Variants in LMAN1L observed in about 807,000 individuals in gnomAD.
LMAN1L encodes the protein protein ERGIC-53-like.
Under a neutral mutation model 58.3 loss-of-function variants are expected in LMAN1L, and 60 were observed. The observed-to-expected ratio is 1.03, with a 90% CI of 0.84 to 1.27. LMAN1L has a LOEUF of 1.27. LMAN1L is among the 50% of genes most tolerant of loss of function. LMAN1L has a pLI of 0.00. For synonymous variants in LMAN1L, 280 were observed against 271.6 expected (o/e 1.03, Z -0.31); for missense variants, 629 against 674.0 (o/e 0.93, Z 0.74).
In LMAN1L at chr15:74,823,652, C is replaced by A. The variant is rs140326228; in HGVS notation, c.1293C>A (p.Gly431=). The change falls in exon 12 of 14, where the codon GGC becomes GGA. Residue 431 remains glycine (G), a synonymous_variant. Transcript: ENST00000309664. ...HHFLELDHIL[G]LLQEELRGPA... is the part of the protein sequence containing the mutation. Reference sequence around the variant, plus strand: ...TCTTAGAGCTGGACCACATCCTGGGCCTCCTGCAGGAGGAGCTTCGGGGCC... The same window carrying A: ...TCTTAGAGCTGGACCACATCCTGGGACTCCTGCAGGAGGAGCTTCGGGGCC... 1 of 1,613,738 alleles carries A rather than the reference C, an allele frequency of 6.2e-7. No individual in the cohort carries two copies. The highest frequency in any genetic ancestry group is 8.5e-7 in the Non-Finnish European group (1 of 1,179,850).
At chr15:74,819,701 G>T (rs2063908114) in intron 6 of LMAN1L, 3 of 493,846 alleles carry the variant, frequency 6.1e-6, no homozygotes, top group Admixed American at 6.7e-5. Flanking sequence ...ATGCTGGAAA[G>T]GTGGCCACTG....
chr15:74,816,759 G>C, intron 4 of LMAN1L, 69 bp downstream of exon 4: 1 of 1,462,972 alleles, frequency 6.8e-7, no homozygotes, highest in Non-Finnish European at 9.3e-7. Flanking sequence ...CCCCCCATCC[G>C]AGCCCCTGCC....
intron 1 of LMAN1L, 62 bp from the exon 2 acceptor site, chr15:74,816,095 A>G: frequency 6.6e-7 from 1 of 1,505,832 alleles, no homozygotes; most frequent in Non-Finnish European, 8.9e-7. Context: ...GGGCCAAGTG[A>G]GAGAGTGAAG....
chr15:74,814,079 T>C (rs1236764358), intron 1 of LMAN1L, among the ~76,000 whole-genome samples: 1 of 141,608 alleles, frequency 7.1e-6, no homozygotes, highest in Non-Finnish European at 1.5e-5. Flanking sequence ...TGAGCTGAGA[T>C]CCTGCCATTG....
chr15:74,821,710 G>C (rs1197155516), intron 9 of LMAN1L, 119 bp from the exon 10 acceptor site: 1 of 690,272 alleles, frequency 1.4e-6, no homozygotes, highest in Non-Finnish European at 2.5e-6. Flanking sequence ...GGCTTTGCTG[G>C]GCTCTGACAG....
chr15:74,817,672 G>A (rs1370339791), intron 4 of LMAN1L, among the ~76,000 whole-genome samples: 2 of 152,180 alleles, frequency 1.3e-5, no homozygotes, highest in Non-Finnish European at 2.9e-5. Flanking sequence ...GCAGCTGGGA[G>A]AGGAAAAGGA....
intron 10 of LMAN1L, among the ~76,000 whole-genome samples, 160 bp downstream of exon 10, chr15:74,822,060 C>T (rs546035061): frequency 7.9e-5 from 12 of 152,092 alleles, no homozygotes; most frequent in Non-Finnish European, 1.3e-4. Flanking sequence ...TGGTGGCTCA[C>T]GCGTGTAATC....
At chr15:74,817,783 G>A (rs749284081) in intron 4 of LMAN1L, among the ~76,000 whole-genome samples, 3 of 152,056 alleles carry the variant, frequency 2.0e-5, no homozygotes, top group African/African-American at 7.2e-5. Context: ...AGGCTGAGGC[G>A]GGCTAATCAC....
rs1466807465 is a variant in LMAN1L, at chr15:74,821,069, C to A, written c.908-6C>A. ...CTGCCCATCCCAGCTCTGCCCTAAT[C>A]CCCAGGGGAAAGGCTCTTTGACCTG... On this transcript the variant is annotated splice_polypyrimidine_tract_variant and splice_region_variant and intron_variant, in intron 8 of 13. Coordinates refer to ENST00000309664, the MANE Select transcript of LMAN1L (RefSeq NM_021819.3). The A allele has an allele frequency of 1.3e-6, 2 of 1,573,882 alleles. No homozygotes were observed. The highest frequency in any genetic ancestry group is 3.7e-5 in the Admixed American group (2 of 53,910).
rs2063918579 is a variant in LMAN1L, at chr15:74,821,920, G to A, written c.1131+20G>A. On this transcript the variant is annotated intron_variant, in intron 10 of 13. Coordinates refer to ENST00000309664, the MANE Select transcript of LMAN1L (RefSeq NM_021819.3). ...AATAAGGTAGGGACCCAAACACTGG[G>A]TGTTGACCAGCACTGGCCCCAGCTT... 1 of 1,552,126 alleles carries A rather than the reference G, an allele frequency of 6.4e-7. No individual in the cohort carries two copies. Among genetic ancestry groups the A allele is most frequent in the African/African-American group, 1.4e-5 (1 of 73,690 alleles).
chr15:74,820,524 C>A, intron 7 of LMAN1L, 111 bp from the exon 8 acceptor site: 1 of 1,408,476 alleles, frequency 7.1e-7, no homozygotes, highest in Non-Finnish European at 1.0e-6. Flanking sequence ...AACTGCAGGG[C>A]CAGCTGGCCA....
Position 74,816,440 on chromosome 15 carries a change from C to T in LMAN1L, c.344C>T (p.Thr115Ile), listed in dbSNP as rs899576101. 6.4e-7 allele frequency: 1 copy of T among 1,556,974 alleles called. No individual in the cohort carries two copies. Among genetic ancestry groups the T allele is most frequent in the Middle Eastern group, 1.7e-4 (1 of 5,778 alleles). ...RGAQGMAVWYTRGRGHVGSVL... is the reference protein window; with the variant it reads ...RGAQGMAVWYIRGRGHVGSVL... ...GGGGACCTGCAGGCCGTGTGGTACA[C>T]CCGGGGCAGGGGCCATGTAGGCTCT... Residue 115 changes from threonine to isoleucine, a missense_variant, in exon 3 of 14, where the codon ACC (threonine) becomes ATC (isoleucine). Thr to Ile is a moderately conservative substitution (Grantham distance 89, BLOSUM62 -1). Around this residue, in one of 3 missense-constraint regions of LMAN1L, gnomAD observed 573 missense variants for 597.3 expected, o/e 0.96. Coordinates refer to ENST00000309664, the MANE Select transcript of LMAN1L (RefSeq NM_021819.3).
rs2063873031 is a variant in LMAN1L at position 74,813,089 on chromosome 15, G to A, written c.175+60G>A. The A allele has an allele frequency of 1.4e-5, 22 of 1,537,504 alleles. No individual in the cohort carries two copies. In the South Asian group the frequency reaches 2.6e-4, roughly 18 times the overall value. ...GGTCCCTCAAAGTGCTGGAGGGGCT[G>A]TGACTTGGTGGGGAGTGGGTCTGTC... On this transcript the variant is annotated intron_variant, in intron 1 of 13. Transcript: ENST00000309664.
At chr15:74,816,362 G>A (rs926682784) in intron 2 of LMAN1L, 51 bp downstream of exon 2, 2 of 1,603,238 alleles carry the variant, frequency 1.2e-6, no homozygotes, top group African/African-American at 1.3e-5. Context: ...AGGGAGGCGG[G>A]TGATGAGCCC....
At chr15:74,821,302 T>G in intron 9 of LMAN1L, 76 bp downstream of exon 9, 1 of 1,484,040 alleles carries the variant, frequency 6.7e-7, no homozygotes. Context: ...CAGCAACTAG[T>G]CTCCCCTAAG....
At chr15:74,820,361 A>C (rs1241710786) in intron 7 of LMAN1L, 1 of 615,566 alleles carries the variant, frequency 1.6e-6, no homozygotes, top group Non-Finnish European at 2.9e-6. Flanking sequence ...GTGGGAGCAC[A>C]GAGGAGGAGT....
chr15:74,813,204 C>T (rs1157480030), intron 1 of LMAN1L, 175 bp downstream of exon 1: 1 of 689,576 alleles, frequency 1.5e-6, no homozygotes, highest in Non-Finnish European at 2.5e-6. Context: ...GCTCCACCGC[C>T]TCAACACCCC....
At chr15:74,825,131 TTGG>T (rs2063935329) in intron 13 of LMAN1L, 1 of 182,660 alleles carries the variant, frequency 5.5e-6, no homozygotes, top group South Asian at 1.5e-4. Context: ...ACAATCTTTG[TTGG>T]TGGAATTTCA....
intron 7 of LMAN1L, 93 bp from the exon 8 acceptor site, chr15:74,820,542 A>C: frequency 6.5e-7 from 1 of 1,532,806 alleles, no homozygotes; most frequent in South Asian, 1.1e-5. Flanking sequence ...CCAGGGAGGA[A>C]GGCTGGGCTC....
Sources: gnomAD v4.1 joint callset for allele counts (sites outside exome capture counted in the v4.1 genomes callset) on GRCh38, gnomAD v4.1.1 for gene constraint, gnomAD v4.1.1 regional missense constraint, MANE v1.5 for transcripts, NCBI Gene and HGNC (gene_info 2026-07-23, HGNC 2026-07-21) for gene names.